Variants in GATAD2B observed in about 807,000 individuals in gnomAD.
The protein encoded by GATAD2B is transcriptional repressor p66-beta.
GATAD2B carries 8 observed loss-of-function variants against 64.3 expected under a neutral mutation model. The ratio of observed to expected loss-of-function variants is 0.12; its 90% CI spans 0.07 to 0.22. GATAD2B has a LOEUF of 0.22. Among genes scored for constraint, GATAD2B ranks in the 10% least tolerant of loss-of-function variants. The pLI, the probability that GATAD2B is intolerant of heterozygous loss-of-function variation, is 1.00. For missense variants in GATAD2B, 453 were observed against 752.0 expected, an observed-to-expected ratio of 0.60 and a Z score of 4.65; for synonymous variants, 281 against 271.3, an observed-to-expected ratio of 1.04 and a Z score of -0.35.
At chr1:153,840,400 C>T (rs1034351682) in intron 1 of GATAD2B, among the ~76,000 whole-genome samples, 6 of 151,218 alleles carry the variant, frequency 4.0e-5, no homozygotes, top group South Asian at 2.1e-4. Flanking sequence ...TGCAATGGCG[C>T]GATCTCGGCT....
At chr1:153,863,440 G>C (rs1173269458) in intron 1 of GATAD2B, among the ~76,000 whole-genome samples, 5 of 150,256 alleles carry the variant, frequency 3.3e-5, no homozygotes, top group Non-Finnish European at 7.4e-5. Flanking sequence ...AGGTTGCAGT[G>C]AGCCAAGATC....
chr1:153,874,646 G>A (rs950970697), intron 1 of GATAD2B, among the ~76,000 whole-genome samples: 6 of 148,676 alleles, frequency 4.0e-5, no homozygotes, highest in South Asian at 2.1e-4. Context: ...GCGCGATCTC[G>A]GCTTACTGCA....
At chr1:153,889,413 CAAAA>C (rs71093299) in intron 1 of GATAD2B, among the ~76,000 whole-genome samples, 3 of 67,884 alleles carry the variant, frequency 4.4e-5, no homozygotes, top group African/African-American at 1.2e-4. Flanking sequence ...ACCCCGTCTC[CAAAA>C]AAAAAAAAAA....
intron 1 of GATAD2B, among the ~76,000 whole-genome samples, chr1:153,862,536 A>G (rs1254126643): frequency 6.6e-6 from 1 of 152,114 alleles, no homozygotes. Flanking sequence ...GGGCTTGTAG[A>G]AGAAACTAGC....
At position 153,813,412 on chromosome 1, in the gene GATAD2B, T is replaced by C. The variant is rs1472511951; in HGVS notation, c.1257A>G (p.Val419=). The C allele has an allele frequency of 5.0e-6, 8 of 1,614,004 alleles. No individual in the cohort carries two copies. Among genetic ancestry groups the C allele is most frequent in the Non-Finnish European group, 5.1e-6 (6 of 1,180,000 alleles). ...TGAAATCTGTGCGGCACTGGGCACA[T>C]ACAAAGGGTTCAACCCGCAGAAGTG... ...CASLLRVEPF[V]CAQCRTDFTP... Residue 419 remains valine, a synonymous_variant, in exon 8 of 11, where the codon GTA becomes GTG. Coordinates refer to ENST00000368655, the MANE Select transcript of GATAD2B (RefSeq NM_020699.4).
At chr1:153,870,188 AGAT>A (rs1676615016) in intron 1 of GATAD2B, among the ~76,000 whole-genome samples, 1 of 152,090 alleles carries the variant, frequency 6.6e-6, no homozygotes, top group Non-Finnish European at 1.5e-5. Context: ...TGGCCTCAAA[AGAT>A]CCACCTGCCT....
At chr1:153,858,534 G>A (rs983448779) in intron 1 of GATAD2B, among the ~76,000 whole-genome samples, 9 of 152,164 alleles carry the variant, frequency 5.9e-5, no homozygotes, top group Non-Finnish European at 1.0e-4. Flanking sequence ...GAGCTCAGGA[G>A]GTCAAGGCTG....
At chr1:153,916,285 A>G (rs1438218162) in intron 1 of GATAD2B, among the ~76,000 whole-genome samples, 2 of 151,736 alleles carry the variant, frequency 1.3e-5, no homozygotes, top group Non-Finnish European at 2.9e-5. Flanking sequence ...AAGAAAAAAA[A>G]AAAAAAAAGA....
chr1:153,835,049 G>A (rs767773102), intron 1 of GATAD2B, among the ~76,000 whole-genome samples: 2 of 152,018 alleles, frequency 1.3e-5, no homozygotes, highest in Non-Finnish European at 2.9e-5. Flanking sequence ...GGAGTTTGAG[G>A]CTACAATGAG....
At chr1:153,810,378 C>T (rs1272769080) in intron 10 of GATAD2B, 68 bp from the exon 11 acceptor site, 2 of 1,515,554 alleles carry the variant, frequency 1.3e-6, no homozygotes, top group Non-Finnish European at 1.8e-6. Context: ...TCCACTCTAC[C>T]CTCGGGCTGC....
rs1430107620 is a variant in GATAD2B, at chr1:153,808,395, GCT to G, written c.*1780_*1781del. The G allele has an allele frequency of 1.3e-5, 2 of 152,626 alleles. No individual in the cohort carries two copies. Among genetic ancestry groups the G allele is most frequent in the East Asian group, 3.8e-4 (2 of 5,204 alleles). 9.5% of individuals were successfully genotyped at this position (152,626 alleles called of 1,614,324 possible). On this transcript the variant is annotated 3_prime_UTR_variant, in exon 11 of 11. Coordinates refer to ENST00000368655, the MANE Select transcript of GATAD2B (RefSeq NM_020699.4). ...AGTAGGGGAACTGAGCCTGATTTTA[GCT>G]CTTTCTCCCACCCCACCTCCAAATT...
At chr1:153,820,098 C>CAAAAAA (rs201426841) in intron 2 of GATAD2B, among the ~76,000 whole-genome samples, 1 of 63,156 alleles carries the variant, frequency 1.6e-5, no homozygotes, top group African/African-American at 6.9e-5. Flanking sequence ...GTTCCCGTCT[C>CAAAAAA]AAAAAAAAAA....
intron 1 of GATAD2B, among the ~76,000 whole-genome samples, chr1:153,908,237 T>TA (rs1464193651): frequency 1.3e-5 from 2 of 152,196 alleles, no homozygotes; most frequent in Non-Finnish European, 2.9e-5. Context: ...CTCATGCCTG[T>TA]AATCTCACCA....
At chr1:153,874,826 C>G (rs527568747) in intron 1 of GATAD2B, among the ~76,000 whole-genome samples, 3 of 151,874 alleles carry the variant, frequency 2.0e-5, no homozygotes, top group Non-Finnish European at 4.4e-5. Context: ...ATCCACTCGC[C>G]TTGGCCCCCC....
chr1:153,838,546 G>C (rs562099937), intron 1 of GATAD2B, among the ~76,000 whole-genome samples: 1 of 151,832 alleles, frequency 6.6e-6, no homozygotes, highest in Admixed American at 6.6e-5. Context: ...CTGTCATCCA[G>C]TCTGGAGTAC....
intron 1 of GATAD2B, among the ~76,000 whole-genome samples, chr1:153,864,843 C>A (rs534714032): frequency 1.1e-4 from 17 of 150,800 alleles, no homozygotes; most frequent in Non-Finnish European, 2.4e-4. Flanking sequence ...CTGAGGTGGG[C>A]GGATCACTTG....
At chr1:153,901,001 G>A (rs1677751042) in intron 1 of GATAD2B, among the ~76,000 whole-genome samples, 3 of 151,996 alleles carry the variant, frequency 2.0e-5, no homozygotes, top group Admixed American at 2.0e-4. Context: ...ATCACTTGAG[G>A]TCACGAGTTC....
intron 1 of GATAD2B, among the ~76,000 whole-genome samples, chr1:153,889,883 T>TAAGAGGC (rs1677317324): frequency 6.6e-6 from 1 of 152,044 alleles, no homozygotes; most frequent in African/African-American, 2.4e-5. Context: ...AATAGAAAGA[T>TAAGAGGC]AAGAGGCCAG....
At position 153,917,431 on chromosome 1, in the gene GATAD2B, A is replaced by G. The variant is rs1271663402; in HGVS notation, c.-2+5302T>C. ...TTTTTTTGAAACTGAGTCTCACGCT[A>G]TCACCCAGGCTGGAGTGCAATGGTG... is the stretch of plus-strand genomic sequence containing the variant. On this transcript the variant is annotated intron_variant, in intron 1 of 10. Coordinates refer to ENST00000368655, the MANE Select transcript of GATAD2B (RefSeq NM_020699.4). Among the ~76,000 whole-genome samples the G allele has an allele frequency of 9.8e-4, 124 of 126,216 alleles. No individual in the cohort carries two copies. The Middle Eastern group carries it at 0.021, about 22-fold the overall frequency. 82.8% of individuals were successfully genotyped at this position (126,216 alleles called of 152,430 possible).
Sources: gnomAD v4.1 joint callset for allele counts (sites outside exome capture counted in the v4.1 genomes callset) on GRCh38, gnomAD v4.1.1 for gene constraint, MANE v1.5 for transcripts, NCBI Gene and HGNC (gene_info 2026-07-23, HGNC 2026-07-21) for gene names.